The following DIP2C variants were observed in gnomAD, a reference collection of about 807,000 sequenced individuals.
DIP2C encodes disco-interacting protein 2 homolog C.
A neutral mutation model predicts 192.4 loss-of-function variants in DIP2C; 33 were observed. The ratio of observed to expected loss-of-function variants is 0.17; its 90% CI spans 0.13 to 0.23. The LOEUF (loss-of-function observed/expected upper bound fraction) is 0.23, where lower values mean the gene tolerates loss of function less well. Ranked by LOEUF, DIP2C falls within the 10% of genes least tolerant of loss-of-function variation. DIP2C has a pLI of 1.00. For missense variants in DIP2C, 1,537 were observed against 2,110.1 expected, an observed-to-expected ratio of 0.73 and a Z score of 5.32; for synonymous variants, 979 against 864.1, an observed-to-expected ratio of 1.13 and a Z score of -2.33.
intron 1 of DIP2C, among the ~76,000 whole-genome samples, chr10:574,722 A>G (rs1850045566): frequency 6.6e-6 from 1 of 152,190 alleles, no homozygotes. Context: ...GCCCTCGAAA[A>G]TCAAGGCCAT....
At chr10:657,432 CCTGGACCTGACGCTGGACCTGATG>C (rs1856432671) in intron 1 of DIP2C, among the ~76,000 whole-genome samples, 3 of 3,866 alleles carry the variant, frequency 7.8e-4, no homozygotes, top group African/African-American at 2.4e-3. Context: ...TGGACCTGTC[CCTGGACCTGACGCTGGACCTGATG>C]CTGGACCTGT....
At chr10:319,437 G>A (rs766187357) in intron 31 of DIP2C, among the ~76,000 whole-genome samples, 5 of 152,008 alleles carry the variant, frequency 3.3e-5, no homozygotes, top group South Asian at 2.1e-4. Context: ...ATAAACAACC[G>A]CGGTCTCTTT....
intron 1 of DIP2C, among the ~76,000 whole-genome samples, chr10:564,086 C>T (rs1480184228): frequency 6.6e-6 from 1 of 152,140 alleles, no homozygotes; most frequent in Admixed American, 6.5e-5. Context: ...CATAACTAAT[C>T]AGGTAAAAAA....
rs756759684 is a variant in DIP2C at position 384,083 on chromosome 10, C to T, written c.1820G>A (p.Arg607Lys). 3.1e-6 allele frequency: 5 copies of T among 1,612,414 alleles called. No homozygotes were observed. Among genetic ancestry groups the T allele is most frequent in the Non-Finnish European group, 4.2e-6 (5 of 1,179,620 alleles). ...TCGCAGAGAGGAGAGGTTGATGTCT[C>T]TCTGATCTCTGTGTGCTACTAATGC... is the stretch of plus-strand genomic sequence containing the variant. ...HWALVAHRDQ[R>K]DINLSSLRML... is the part of the protein sequence containing the mutation. Residue 607 changes from arginine to lysine, a missense_variant, in exon 16 of 37, where the codon AGA becomes AAA. Around this residue, in one of 4 missense-constraint regions of DIP2C, gnomAD observed 677 missense variants for 989.9 expected, o/e 0.68. Coordinates refer to ENST00000280886, the MANE Select transcript of DIP2C (RefSeq NM_014974.3).
In DIP2C at chr10:344,827, C is replaced by T. The variant is rs763130699; in HGVS notation, c.3435G>A (p.Gly1145=). The T allele has an allele frequency of 2.1e-5, 33 of 1,596,760 alleles. 1 individual carries two copies. Among genetic ancestry groups the T allele is most frequent in the South Asian group, 1.9e-4 (17 of 87,854 alleles). ...AYLDFSVSTT[G]MLAGVKMSHA... The stretch of plus-strand genomic sequence containing the variant: ...CCCTCACCTTTACGCCAGCTAGCAT[C>T]CCAGTTGTGGACACGCTGAAGTCGA... The change falls in exon 28 of 37, where the codon GGG becomes GGA. Residue 1145 remains glycine, a synonymous_variant. Coordinates refer to ENST00000280886, the MANE Select transcript of DIP2C (RefSeq NM_014974.3).
Position 651,281 on chromosome 10 carries a change from C to T in DIP2C, c.85+38213G>A, listed in dbSNP as rs922743953. The stretch of plus-strand genomic sequence containing the variant: ...GTCACCAGTCGGCCTCCCCCACCAA[C>T]GTGGACTCCTTACAAGCAGAGCCAC... On this transcript the variant is annotated intron_variant, in intron 1 of 36. Coordinates refer to ENST00000280886, the MANE Select transcript of DIP2C (RefSeq NM_014974.3). The surrounding 1 kb of genome is among the most constrained non-coding windows in gnomAD (Gnocchi z 4.1). 13 of 712,498 alleles carry T rather than the reference C, an allele frequency of 1.8e-5. No individual in the cohort carries two copies. The highest frequency in any genetic ancestry group is 3.0e-5 in the South Asian group (2 of 67,500). 44.1% of individuals were successfully genotyped at this position (712,498 alleles called of 1,614,324 possible).
chr10:546,995 A>T (rs1848318241), intron 1 of DIP2C, among the ~76,000 whole-genome samples: 1 of 152,244 alleles, frequency 6.6e-6, no homozygotes, highest in African/African-American at 2.4e-5. Context: ...AGAGTTTGTA[A>T]GTCATTCTTT....
chr10:428,791 T>C (rs949967916), intron 4 of DIP2C, among the ~76,000 whole-genome samples: 2 of 152,226 alleles, frequency 1.3e-5, no homozygotes, highest in Admixed American at 1.3e-4. Context: ...CTTGAGGTTC[T>C]GTTCGCATTT....
chr10:401,472 G>GT lies in DIP2C; in HGVS notation c.1150-2254dup, dbSNP rs1564665024. Among the ~76,000 whole-genome samples the GT allele has an allele frequency of 4.7e-5, 7 of 149,974 alleles. 1 individual carries two copies. The highest frequency in any genetic ancestry group is 1.0e-4 in the Non-Finnish European group (7 of 67,800). ...TTACTATTCCTTATGGACAAGTTTC[G>GT]TATGTGTTCATCAGCACATGAATCC... is the stretch of plus-strand genomic sequence containing the variant. On this transcript the variant is annotated intron_variant, in intron 9 of 36. Transcript: ENST00000280886.
intron 1 of DIP2C, among the ~76,000 whole-genome samples, chr10:590,343 A>G (rs916911716): frequency 6.6e-6 from 1 of 152,230 alleles, no homozygotes; most frequent in Non-Finnish European, 1.5e-5. Flanking sequence ...AGCTTCTAAA[A>G]AAACCACAGC....
chr10:670,871 C>T (rs949322349), intron 1 of DIP2C, among the ~76,000 whole-genome samples: 1 of 152,204 alleles, frequency 6.6e-6, no homozygotes, highest in African/African-American at 2.4e-5. Context: ...AATTGTTATA[C>T]CAGGTGGAAA....
intron 1 of DIP2C, among the ~76,000 whole-genome samples, chr10:552,357 G>C (rs930687977): frequency 6.6e-6 from 1 of 152,200 alleles, no homozygotes; most frequent in Non-Finnish European, 1.5e-5. Flanking sequence ...GTGCTTGCTG[G>C]CTTTTTAGAA....
Position 506,002 on chromosome 10 carries a change from G to A in DIP2C, c.86-19472C>T, listed in dbSNP as rs958892399. On this transcript the variant is annotated intron_variant, in intron 1 of 36. Coordinates refer to ENST00000280886, the MANE Select transcript of DIP2C (RefSeq NM_014974.3). ...CTGAGAAATCCAGGGGATTAGGAAC[G>A]CAGGTGACAAAAGGAGGTTGTGACA... is the stretch of plus-strand genomic sequence containing the variant. Among the ~76,000 whole-genome samples the A allele has an allele frequency of 8.6e-5, 13 of 152,040 alleles. 1 individual carries two copies. Among genetic ancestry groups the A allele is most frequent in the Admixed American group, 3.9e-4 (6 of 15,270 alleles).
rs1176437422 is a variant in DIP2C, at chr10:524,939, GAC to G, written c.86-38411_86-38410del. On this transcript the variant is annotated intron_variant, in intron 1 of 36. Transcript: ENST00000280886. ...AAAGCAATTCAGAGGAGATGGTCTA[GAC>G]ACACAGTTTAAGACAATCACAATTT... 6.5e-5 allele frequency among the ~76,000 whole-genome samples: 7 copies of G among 108,408 alleles called. No individual in the cohort carries two copies. The South Asian group carries it at 7.9e-4, about 12-fold the overall frequency. 71.1% of individuals were successfully genotyped at this position (108,408 alleles called of 152,430 possible).
chr10:447,668 C>T (rs913694177), intron 3 of DIP2C, among the ~76,000 whole-genome samples: 2 of 133,612 alleles, frequency 1.5e-5, no homozygotes, highest in South Asian at 2.3e-4. Context: ...CCCAATCACC[C>T]CCATTGATAT....
chr10:409,145 T>A (rs1335440267), intron 8 of DIP2C, 128 bp from the exon 9 acceptor site: 3 of 805,518 alleles, frequency 3.7e-6, no homozygotes, highest in Non-Finnish European at 3.8e-6. Context: ...CGACTTGAAG[T>A]GGGGGCAGCT....
At chr10:377,614 C>T (rs974760402) in intron 17 of DIP2C, among the ~76,000 whole-genome samples, 1 of 152,124 alleles carries the variant, frequency 6.6e-6, no homozygotes, top group Non-Finnish European at 1.5e-5. Flanking sequence ...CTGACTTTTC[C>T]GAGCAGTGGG....
At chr10:640,687 G>A (rs1454276121) in intron 1 of DIP2C, among the ~76,000 whole-genome samples, 2 of 149,642 alleles carry the variant, frequency 1.3e-5, no homozygotes, top group Admixed American at 6.6e-5. Flanking sequence ...GGGTGCGCGC[G>A]GGGAAGAGGC....
chr10:411,300 C>G (rs748422000), intron 8 of DIP2C, among the ~76,000 whole-genome samples: 1 of 152,106 alleles, frequency 6.6e-6, no homozygotes, highest in African/African-American at 2.4e-5. Context: ...GAAGAGCGTA[C>G]CAGAGAGCTG....
Sources: allele counts gnomAD v4.1 joint callset (sites outside exome capture counted in the v4.1 genomes callset), GRCh38; gene constraint gnomAD v4.1.1; regional missense constraint gnomAD v4.1.1; non-coding constraint Gnocchi (gnomAD v3.1); transcripts MANE v1.5; gene names NCBI Gene and HGNC (gene_info 2026-07-23, HGNC 2026-07-21).